Variants in TMTC1 observed in about 807,000 individuals in gnomAD.
The protein encoded by TMTC1 is transmembrane O-mannosyltransferase targeting cadherins 1, also known as protein O-mannosyl-transferase TMTC1.
In TMTC1, 73 loss-of-function variants were observed where a neutral mutation model predicts 104.8. The observed-to-expected ratio is 0.70, with a 90% CI of 0.58 to 0.85. TMTC1 has a LOEUF of 0.85. Ranked by LOEUF, TMTC1 falls within the 40% of genes least tolerant of loss-of-function variation. The pLI is 0.00. For missense variants in TMTC1, 1,035 were observed against 1,096.1 expected (o/e 0.94, Z 0.79); for synonymous variants, 434 against 428.7 (o/e 1.01, Z -0.15).
At chr12:29,622,303 T>C (rs1368307982) in intron 6 of TMTC1, among the ~76,000 whole-genome samples, 1 of 152,158 alleles carries the variant, frequency 6.6e-6, no homozygotes. Context: ...ACCAAATAAA[T>C]TACTCTTAAA....
intron 8 of TMTC1, among the ~76,000 whole-genome samples, chr12:29,575,626 CA>C (rs1411019930): frequency 6.6e-6 from 1 of 151,938 alleles, no homozygotes; most frequent in Non-Finnish European, 1.5e-5. Context: ...AGAGAACAGC[CA>C]AAAGAAACAG....
chr12:29,660,898 A>G, intron 5 of TMTC1: 2 of 1,477,582 alleles, frequency 1.4e-6, no homozygotes, highest in South Asian at 1.3e-5. Flanking sequence ...AAAACGGGAA[A>G]GAAAAAAAAT....
At chr12:29,730,132 C>A (rs932280542) in intron 5 of TMTC1, among the ~76,000 whole-genome samples, 1 of 152,166 alleles carries the variant, frequency 6.6e-6, no homozygotes, top group Non-Finnish European at 1.5e-5. Flanking sequence ...GGATCCAAAT[C>A]TACTCATTTT....
At chr12:29,507,271 C>T (rs299441) in intron 17 of TMTC1, among the ~76,000 whole-genome samples, 74,173 of 151,944 alleles carry the variant, frequency 0.49, 18,649 homozygotes, top group African/African-American at 0.61. Context: ...TGTGAGGTTA[C>T]CATTTCCTGG....
intron 5 of TMTC1, among the ~76,000 whole-genome samples, chr12:29,718,718 G>A (rs571654193): frequency 1.5e-3 from 224 of 152,168 alleles, no homozygotes; most frequent in African/African-American, 5.0e-3. Flanking sequence ...TGGATCATGA[G>A]GTGAGGAGAT....
At chr12:29,651,344 A>G (rs1939509732) in intron 5 of TMTC1, among the ~76,000 whole-genome samples, 1 of 152,204 alleles carries the variant, frequency 6.6e-6, no homozygotes, top group African/African-American at 2.4e-5. Context: ...GGGTCAGGGA[A>G]AACAAGAGGG....
chr12:29,659,893 A>G (rs966647757), intron 5 of TMTC1: 30 of 1,535,138 alleles, frequency 2.0e-5, no homozygotes, highest in African/African-American at 4.1e-5. Flanking sequence ...GTAAGAATGT[A>G]AGGCGAAAAT....
At chr12:29,748,653 A>T (rs1275657958) in intron 5 of TMTC1, among the ~76,000 whole-genome samples, 2 of 152,222 alleles carry the variant, frequency 1.3e-5, no homozygotes, top group Non-Finnish European at 2.9e-5. Context: ...GGTTGGATAG[A>T]ATAACACATG....
At chr12:29,726,781 G>C (rs937315737) in intron 5 of TMTC1, among the ~76,000 whole-genome samples, 1 of 152,204 alleles carries the variant, frequency 6.6e-6, no homozygotes, top group East Asian at 1.9e-4. Context: ...GAAGGCCAAG[G>C]CAATACCATC....
chr12:29,516,376 G>C lies in TMTC1; in HGVS notation c.2280C>G (p.Ile760Met). 1 of 1,613,702 alleles carries C rather than the reference G, an allele frequency of 6.2e-7. No homozygotes were observed. The highest frequency in any genetic ancestry group is 1.6e-4 in the Middle Eastern group (1 of 6,062). Residue 760 changes from isoleucine (I) to methionine (M), a missense_variant, in exon 15 of 18, where the codon ATC (isoleucine) becomes ATG (methionine). Coordinates refer to ENST00000539277, the MANE Select transcript of TMTC1 (RefSeq NM_001193451.2). ...CLECYRLLSA[I>M]YSKQENHDKA... The stretch of plus-strand genomic sequence containing the variant: ...TGTCGTGGTTCTCCTGCTTGCTATA[G>C]ATGGCTGACAAGAGGCGATAGCATT...
At chr12:29,529,830 A>G (rs1592180378) in intron 11 of TMTC1, 1 of 152,218 alleles carries the variant, frequency 6.6e-6, no homozygotes, top group South Asian at 2.1e-4. Flanking sequence ...AGGAAATACA[A>G]GGTGTTTCCT....
At chr12:29,677,901 C>A (rs1437424934) in intron 5 of TMTC1, among the ~76,000 whole-genome samples, 1 of 152,214 alleles carries the variant, frequency 6.6e-6, no homozygotes, top group Non-Finnish European at 1.5e-5. Context: ...TGTTGTTAAT[C>A]TCTTACTGTA....
At chr12:29,638,009 G>A (rs1938641880) in intron 5 of TMTC1, among the ~76,000 whole-genome samples, 1 of 152,092 alleles carries the variant, frequency 6.6e-6, no homozygotes, top group African/African-American at 2.4e-5. Flanking sequence ...CACTGGTGAG[G>A]AGCACCCCAC....
chr12:29,779,705 G>A (rs1433205815), intron 1 of TMTC1, among the ~76,000 whole-genome samples: 8 of 152,148 alleles, frequency 5.3e-5, no homozygotes, highest in Admixed American at 2.6e-4. Context: ...TTGGAGTATT[G>A]CACTGAGAAA....
At chr12:29,669,532 C>G (rs953795213) in intron 5 of TMTC1, among the ~76,000 whole-genome samples, 3 of 152,140 alleles carry the variant, frequency 2.0e-5, no homozygotes, top group Non-Finnish European at 4.4e-5. Context: ...AGGAAGTAGA[C>G]AGCTATTTTG....
intron 5 of TMTC1, among the ~76,000 whole-genome samples, chr12:29,688,002 G>A (rs778708455): frequency 3.9e-5 from 6 of 152,290 alleles, no homozygotes; most frequent in Admixed American, 2.6e-4. Context: ...TTGGGGGAAC[G>A]TAATTCAGTC....
intron 4 of TMTC1, among the ~76,000 whole-genome samples, chr12:29,754,088 A>G (rs1475459163): frequency 6.6e-6 from 1 of 151,244 alleles, no homozygotes; most frequent in Non-Finnish European, 1.5e-5. Context: ...GATGGTCTCT[A>G]TCTCCTGATC....
At chr12:29,603,697 T>A (rs1946625618) in intron 7 of TMTC1, among the ~76,000 whole-genome samples, 1 of 152,214 alleles carries the variant, frequency 6.6e-6, no homozygotes, top group African/African-American at 2.4e-5. Flanking sequence ...ATGTCTTTTC[T>A]AGTTTTTAAA....
chr12:29,705,165 G>C (rs1420851482), intron 5 of TMTC1, among the ~76,000 whole-genome samples: 6 of 152,136 alleles, frequency 3.9e-5, no homozygotes, highest in Non-Finnish European at 5.9e-5. Flanking sequence ...TGTAGGGGAG[G>C]ATGCTACTGG....
Sources: gnomAD v4.1 joint callset for allele counts (sites outside exome capture counted in the v4.1 genomes callset) on GRCh38, gnomAD v4.1.1 for gene constraint, MANE v1.5 for transcripts, NCBI Gene and HGNC (gene_info 2026-07-23, HGNC 2026-07-21) for gene names.